Variants in RSPH14 observed in about 807,000 individuals in gnomAD.
RSPH14 encodes the protein rhabdoid tumor deletion region gene 1.
Under a neutral mutation model 26.7 loss-of-function variants are expected in RSPH14, and 20 were observed. The ratio of observed to expected loss-of-function variants is 0.75; its 90% CI spans 0.53 to 1.09. The LOEUF is 1.09. Ranked by LOEUF, RSPH14 falls within the 50% of genes least tolerant of loss-of-function variation. The pLI, the probability that RSPH14 is intolerant of heterozygous loss-of-function variation, is 0.00. For missense variants in RSPH14, 449 were observed against 457.2 expected (o/e 0.98, Z 0.16); for synonymous variants, 177 against 189.3 (o/e 0.93, Z 0.53).
At chr22:23,064,727 C>T (rs930808287) in intron 4 of RSPH14, among the ~76,000 whole-genome samples, 2 of 152,176 alleles carry the variant, frequency 1.3e-5, no homozygotes, top group Non-Finnish European at 2.9e-5. Context: ...CATAGGCTCT[C>T]GTCTTCAAGG....
intron 4 of RSPH14, among the ~76,000 whole-genome samples, chr22:23,107,442 G>A (rs2069515495): frequency 6.6e-6 from 1 of 152,212 alleles, no homozygotes; most frequent in African/African-American, 2.4e-5. Flanking sequence ...GAAAAGTCGA[G>A]GGCCTCATGA....
the RSPH14 span, among the ~76,000 whole-genome samples, chr22:23,178,826 C>G: frequency 2.6e-5 from 4 of 152,290 alleles, no homozygotes; most frequent in African/African-American, 9.6e-5. Context: ...GTACCGTGGC[C>G]CACAGGACTG....
At chr22:23,121,106 G>T (rs1045690285) in intron 4 of RSPH14, among the ~76,000 whole-genome samples, 1 of 152,150 alleles carries the variant, frequency 6.6e-6, no homozygotes, top group African/African-American at 2.4e-5. Context: ...GGTTCACTGC[G>T]GAGGCGCTGG....
the RSPH14 span, chr22:23,155,984 CAGG>C: frequency 1.9e-6 from 3 of 1,612,466 alleles, no homozygotes; most frequent in African/African-American, 2.7e-5. Flanking sequence ...CACAGCTGGG[CAGG>C]AGAAGTTCAA....
At chr22:23,091,572 C>T (rs905131881) in intron 4 of RSPH14, among the ~76,000 whole-genome samples, 14 of 151,626 alleles carry the variant, frequency 9.2e-5, no homozygotes, top group African/African-American at 1.9e-4. Context: ...GCACACGCAC[C>T]GCAGTGGATT....
Position 23,078,928 on chromosome 22 carries a change from C to T in RSPH14, c.422-14795G>A, listed in dbSNP as rs563537663. On this transcript the variant is annotated intron_variant, in intron 4 of 6. Coordinates refer to ENST00000216036, the MANE Select transcript of RSPH14 (RefSeq NM_014433.3). ...GGTGGGCGGGGGCTGTGCGTCTACCCGTGTCCACCCAGGGAAGGCCACGGG... is the reference window on the plus strand; with the variant it reads ...GGTGGGCGGGGGCTGTGCGTCTACCTGTGTCCACCCAGGGAAGGCCACGGG... Among the ~76,000 whole-genome samples, 82 of 152,312 alleles carry T rather than the reference C, an allele frequency of 5.4e-4. 1 individual carries two copies. The South Asian group carries it at 7.7e-3, about 14-fold the overall frequency.
upstream of RSPH14, chr22:23,146,470 C>G: frequency 7.3e-7 from 1 of 1,371,380 alleles, no homozygotes; most frequent in Non-Finnish European, 9.5e-7. Flanking sequence ...CCTTGGCCTC[C>G]CAAAGTGCTG....
At chr22:23,155,167 G>A in the RSPH14 span, among the ~76,000 whole-genome samples, 1 of 152,138 alleles carries the variant, frequency 6.6e-6, no homozygotes, top group Non-Finnish European at 1.5e-5. Flanking sequence ...TCTTGTTTGT[G>A]ACTTGTCTAC....
At chr22:23,159,435 G>T in the RSPH14 span, among the ~76,000 whole-genome samples, 479 of 152,352 alleles carry the variant, frequency 3.1e-3, 4 homozygotes, top group African/African-American at 0.011. Flanking sequence ...TGCCTAAGAG[G>T]AGCTGCGTCA....
intron 4 of RSPH14, among the ~76,000 whole-genome samples, chr22:23,120,482 G>A (rs1601838046): frequency 6.6e-6 from 1 of 152,172 alleles, no homozygotes; most frequent in East Asian, 1.9e-4. Flanking sequence ...ACCAGTACAC[G>A]TGAACTGTTT....
intron 4 of RSPH14, among the ~76,000 whole-genome samples, chr22:23,098,815 T>A (rs1321996526): frequency 6.6e-6 from 1 of 152,212 alleles, no homozygotes; most frequent in Non-Finnish European, 1.5e-5. Context: ...GGAGGTGAGC[T>A]GGCCCCCAGA....
intron 4 of RSPH14, among the ~76,000 whole-genome samples, chr22:23,127,997 G>A (rs2070226916): frequency 6.6e-6 from 1 of 152,124 alleles, no homozygotes; most frequent in South Asian, 2.1e-4. Context: ...CACGTGTGGA[G>A]TCAGGGTCAG....
intron 4 of RSPH14, among the ~76,000 whole-genome samples, chr22:23,110,455 C>G (rs570013208): frequency 6.6e-6 from 1 of 152,344 alleles, no homozygotes; most frequent in South Asian, 2.1e-4. Context: ...GAACAGGTCA[C>G]CAGAGGTCCT....
the RSPH14 span, chr22:23,155,901 G>T: frequency 6.9e-7 from 1 of 1,449,224 alleles, no homozygotes; most frequent in Non-Finnish European, 9.3e-7. Context: ...CCCGTAGCCT[G>T]TTGGCTCAAG....
chr22:23,179,007 A>G, the RSPH14 span, among the ~76,000 whole-genome samples: 37 of 152,304 alleles, frequency 2.4e-4, 1 homozygote, highest in African/African-American at 8.9e-4. Flanking sequence ...GATTGGGCAC[A>G]TGAAGAACAG....
At chr22:23,152,865 C>G in the RSPH14 span, among the ~76,000 whole-genome samples, 6 of 152,220 alleles carry the variant, frequency 3.9e-5, no homozygotes, top group African/African-American at 1.4e-4. Flanking sequence ...GCCTCCCTTT[C>G]CCCACATTGT....
chr22:23,138,768 G>A, intron 3 of RSPH14, 72 bp downstream of exon 3: 1 of 1,275,954 alleles, frequency 7.8e-7, no homozygotes, highest in South Asian at 1.3e-5. Flanking sequence ...ACTCTAAGCA[G>A]CTCAAGTGCA....
upstream of RSPH14, among the ~76,000 whole-genome samples, chr22:23,143,433 G>A (rs897124800): frequency 2.0e-5 from 3 of 152,072 alleles, no homozygotes; most frequent in African/African-American, 7.2e-5. Context: ...TACCCTCACT[G>A]TACCAGGGCA....
chr22:23,105,208 A>G (rs2069429121), intron 4 of RSPH14, among the ~76,000 whole-genome samples: 1 of 152,170 alleles, frequency 6.6e-6, no homozygotes, highest in Admixed American at 6.5e-5. Context: ...ACCAGGGGAG[A>G]AGCACAGCAG....
Sources: gnomAD v4.1 joint callset for allele counts (sites outside exome capture counted in the v4.1 genomes callset) on GRCh38, gnomAD v4.1.1 for gene constraint, MANE v1.5 for transcripts, NCBI Gene and HGNC (gene_info 2026-07-23, HGNC 2026-07-21) for gene names.